Variants in GABRG3 observed in about 807,000 individuals in gnomAD.
GABRG3 encodes the protein gamma-aminobutyric acid type A receptor subunit gamma3.
A neutral mutation model predicts 48.8 loss-of-function variants in GABRG3; 25 were observed. The ratio of observed to expected loss-of-function variants is 0.51; its 90% CI spans 0.37 to 0.72. GABRG3 has a LOEUF of 0.72. GABRG3 is among the 30% of genes least tolerant of loss of function. GABRG3 has a pLI of 0.00. For missense variants in GABRG3, 394 were observed against 577.9 expected (o/e 0.68, Z 3.26); for synonymous variants, 227 against 217.6 (o/e 1.04, Z -0.38).
chr15:27,336,676 G>A (rs1893988071), intron 5 of GABRG3, among the ~76,000 whole-genome samples: 1 of 152,180 alleles, frequency 6.6e-6, no homozygotes, highest in South Asian at 2.1e-4. Context: ...TTATCGTGGA[G>A]AAATGAATAG....
At chr15:27,380,012 C>T (rs1399948970) in intron 5 of GABRG3, among the ~76,000 whole-genome samples, 3 of 151,380 alleles carry the variant, frequency 2.0e-5, no homozygotes, top group Admixed American at 6.6e-5. Flanking sequence ...TTCTGGTATT[C>T]CCATTTGTGT....
chr15:27,229,863 A>C (rs1186175985), intron 3 of GABRG3, among the ~76,000 whole-genome samples: 1 of 152,002 alleles, frequency 6.6e-6, no homozygotes, highest in Non-Finnish European at 1.5e-5. Flanking sequence ...TTTCCTTAGG[A>C]TTGCCTCAGC....
At chr15:27,157,950 G>A (rs1898475701) in intron 3 of GABRG3, 1 of 152,208 alleles carries the variant, frequency 6.6e-6, no homozygotes, top group Non-Finnish European at 1.5e-5. Flanking sequence ...TTTCCTGAAT[G>A]AAGTGGGTGG....
intron 3 of GABRG3, among the ~76,000 whole-genome samples, chr15:27,320,222 G>A (rs1893373556): frequency 6.6e-6 from 1 of 152,166 alleles, no homozygotes; most frequent in South Asian, 2.1e-4. Flanking sequence ...TTTTATACAA[G>A]GCTGCTGTCT....
At chr15:27,229,188 A>G (rs1179200805) in intron 3 of GABRG3, among the ~76,000 whole-genome samples, 1 of 152,064 alleles carries the variant, frequency 6.6e-6, no homozygotes, top group Admixed American at 6.5e-5. Flanking sequence ...CAGGGTTGCT[A>G]TAGTTTTGGG....
At chr15:27,019,527 T>A (rs961417620) in intron 2 of GABRG3, among the ~76,000 whole-genome samples, 5 of 152,212 alleles carry the variant, frequency 3.3e-5, no homozygotes, top group Non-Finnish European at 7.3e-5. Context: ...GGAATGCTAC[T>A]GCATACTGAT....
At chr15:26,999,254 G>T (rs573456607) in intron 2 of GABRG3, among the ~76,000 whole-genome samples, 1 of 152,188 alleles carries the variant, frequency 6.6e-6, no homozygotes, top group East Asian at 1.9e-4. Flanking sequence ...AAGTAATCTA[G>T]AAATAATTTA....
chr15:27,320,862 A>T (rs1166776115), intron 3 of GABRG3, among the ~76,000 whole-genome samples: 1 of 152,230 alleles, frequency 6.6e-6, no homozygotes, highest in East Asian at 1.9e-4. Context: ...AATTTATATT[A>T]ATGTTATAAT....
intron 3 of GABRG3, among the ~76,000 whole-genome samples, chr15:27,057,511 T>C (rs1434125506): frequency 6.6e-6 from 1 of 152,148 alleles, no homozygotes; most frequent in Admixed American, 6.5e-5. Context: ...TGAGGTCTGC[T>C]CAGTTTCCTG....
chr15:27,494,914 G>A (rs1404488793), intron 6 of GABRG3, among the ~76,000 whole-genome samples: 1 of 152,046 alleles, frequency 6.6e-6, no homozygotes, highest in East Asian at 1.9e-4. Flanking sequence ...TTCTAAAAGT[G>A]GGAGTTTAGA....
chr15:27,274,246 T>C (rs934172580), intron 3 of GABRG3, among the ~76,000 whole-genome samples: 12 of 152,202 alleles, frequency 7.9e-5, no homozygotes. Context: ...ACCCAAAGAC[T>C]GTGGTATTTG....
intron 3 of GABRG3, among the ~76,000 whole-genome samples, chr15:27,219,810 A>G (rs146957684): frequency 3.3e-5 from 5 of 152,336 alleles, no homozygotes; most frequent in Non-Finnish European, 7.3e-5. Context: ...TACAATTAGT[A>G]TGATTTACTT....
In GABRG3 at chr15:26,983,376, C is replaced by T. The variant is rs1227029662; in HGVS notation, c.202+6226C>T. On this transcript the variant is annotated intron_variant, in intron 2 of 9. Coordinates refer to ENST00000615808, the MANE Select transcript of GABRG3 (RefSeq NM_033223.5). Reference sequence around the variant, plus strand: ...CTCCACACTTGCGATCTTCTGATGGCGAGAGACAAAGAAGGGGACTCTCCA... The same window carrying T: ...CTCCACACTTGCGATCTTCTGATGGTGAGAGACAAAGAAGGGGACTCTCCA... Among the ~76,000 whole-genome samples, 14 of 152,214 alleles carry T rather than the reference C, an allele frequency of 9.2e-5. No homozygotes were observed. In the East Asian group the frequency reaches 1.9e-3, roughly 21 times the overall value.
chr15:27,087,989 CTG>C (rs554741243), intron 3 of GABRG3, among the ~76,000 whole-genome samples: 11 of 139,178 alleles, frequency 7.9e-5, no homozygotes, highest in South Asian at 2.3e-4. Flanking sequence ...GTGCGTGTCT[CTG>C]TGTGTGATGT....
intron 3 of GABRG3, among the ~76,000 whole-genome samples, chr15:27,058,578 T>C (rs1022919481): frequency 4.6e-5 from 7 of 152,138 alleles, no homozygotes; most frequent in Non-Finnish European, 7.3e-5. Flanking sequence ...TCCGGCTACA[T>C]GTCAAGTGTC....
At chr15:27,398,516 T>C (rs1033957128) in intron 5 of GABRG3, among the ~76,000 whole-genome samples, 3 of 152,318 alleles carry the variant, frequency 2.0e-5, no homozygotes, top group Middle Eastern at 3.4e-3. Flanking sequence ...AATATATACC[T>C]ATCTTGTTTT....
intron 5 of GABRG3, among the ~76,000 whole-genome samples, chr15:27,463,108 G>A (rs1189132478): frequency 2.6e-5 from 4 of 152,034 alleles, no homozygotes; most frequent in Non-Finnish European, 5.9e-5. Flanking sequence ...TATATGTTTT[G>A]AAGTGAGCTT....
intron 5 of GABRG3, among the ~76,000 whole-genome samples, chr15:27,345,606 A>G (rs554462904): frequency 3.3e-5 from 5 of 152,302 alleles, no homozygotes; most frequent in Non-Finnish European, 5.9e-5. Flanking sequence ...GAAGAAATAC[A>G]TTTTGTTTCC....
intron 6 of GABRG3, among the ~76,000 whole-genome samples, chr15:27,498,378 T>G (rs976309189): frequency 1.3e-5 from 2 of 152,242 alleles, no homozygotes; most frequent in African/African-American, 4.8e-5. Context: ...GCTTTGTGAT[T>G]GATTGTAACA....
Sources: gnomAD v4.1 joint callset for allele counts (sites outside exome capture counted in the v4.1 genomes callset) on GRCh38, gnomAD v4.1.1 for gene constraint, MANE v1.5 for transcripts, NCBI Gene and HGNC (gene_info 2026-07-23, HGNC 2026-07-21) for gene names.